Variants in TENT5D observed in about 807,000 individuals in gnomAD.
TENT5D encodes cancer/testis antigen 112.
For missense variants in TENT5D, 191 were observed against 287.0 expected, an observed-to-expected ratio of 0.67 and a Z score of 2.42; for synonymous variants, 103 against 100.6, an observed-to-expected ratio of 1.02 and a Z score of -0.15.
At chrX:80,370,014 C>G (rs887918961) in intron 3 of TENT5D, among the ~76,000 whole-genome samples, 4 of 111,021 alleles carry the variant, frequency 3.6e-5, no homozygotes, top group Non-Finnish European at 7.5e-5. Context: ...CCTCAAACTC[C>G]TGGGCTCAAG....
intron 3 of TENT5D, among the ~76,000 whole-genome samples, chrX:80,358,347 G>A (rs1367497386): frequency 1.8e-5 from 2 of 111,556 alleles, no homozygotes; most frequent in South Asian, 7.4e-4. Flanking sequence ...CTTCTGCACA[G>A]CAAAAGAAAC....
chrX:80,393,261 A>C lies in TENT5D; in HGVS notation c.-141-45349A>C, dbSNP rs1009589107. ...CTCTCCAAATATTCCTTTGTTCACTATTTTCATTCTGGGATTCCAATCACA... is the reference window on the plus strand; with the variant it reads ...CTCTCCAAATATTCCTTTGTTCACTCTTTTCATTCTGGGATTCCAATCACA... On this transcript the variant is annotated intron_variant, in intron 3 of 4. Transcript: ENST00000538312. Among the ~76,000 whole-genome samples, 19 of 110,493 alleles carry C rather than the reference A, an allele frequency of 1.7e-4. No individual in the cohort carries two copies. In the Admixed American group the frequency reaches 1.8e-3, roughly 11 times the overall value.
chrX:80,417,516 C>T (rs904088071), upstream of TENT5D, among the ~76,000 whole-genome samples: 1 of 108,655 alleles, frequency 9.2e-6, no homozygotes, highest in Non-Finnish European at 1.9e-5. Context: ...TAATAAATTC[C>T]TTTAGCATTA....
At chrX:80,351,021 C>G (rs1410456864) in intron 3 of TENT5D, among the ~76,000 whole-genome samples, 1 of 111,827 alleles carries the variant, frequency 8.9e-6, no homozygotes, top group Non-Finnish European at 1.9e-5. Context: ...CGCTGTTAGT[C>G]TGATGGGCGT....
chrX:80,392,495 C>CTTTTTTTTTTTTTTTTT lies in TENT5D; in HGVS notation c.-141-46099_-141-46083dup, dbSNP rs72029455. On this transcript the variant is annotated intron_variant, in intron 3 of 4. Coordinates refer to the TENT5D transcript ENST00000538312. The stretch of plus-strand genomic sequence containing the variant: ...TTTATAGCTTTATTCTCATTTTATT[C>CTTTTTTTTTTTTTTTTT]TTTTTTTTTTTTTTTTTTTTTTTTT... 2.0e-3 allele frequency among the ~76,000 whole-genome samples: 48 copies of CTTTTTTTTTTTTTTTTT among 24,295 alleles called. 13 individuals carry two copies. Among genetic ancestry groups the CTTTTTTTTTTTTTTTTT allele is most frequent in the East Asian group, 8.4e-3 (6 of 715 alleles). 21.1% of individuals were successfully genotyped at this position (24,295 alleles called of 115,157 possible). A position where few individuals can be genotyped will look rare whatever the true frequency, so the allele number is the denominator to read the frequency against.
upstream of TENT5D, among the ~76,000 whole-genome samples, chrX:80,419,984 G>A (rs1931853738): frequency 9.0e-6 from 1 of 111,718 alleles, no homozygotes; most frequent in African/African-American, 3.3e-5. Context: ...CAAATTGCTG[G>A]GATTACAGGC....
At chrX:80,441,259 G>T (rs1932277597) in intron 2 of TENT5D, among the ~76,000 whole-genome samples, 1 of 111,090 alleles carries the variant, frequency 9.0e-6, no homozygotes, top group African/African-American at 3.3e-5. Context: ...TACATACAGA[G>T]AAACAGAATA....
In TENT5D at chrX:80,427,258, G is replaced by T. The variant is rs571705074; in HGVS notation, c.-142+6695G>T. On this transcript the variant is annotated intron_variant, in intron 1 of 2. Coordinates refer to ENST00000308293, the Ensembl canonical transcript of TENT5D. The stretch of plus-strand genomic sequence containing the variant: ...TATATACTAGGTGCAGATAAAGTTT[G>T]ATGTTTTTCAGCATAATTAGAGGCA... Among the ~76,000 whole-genome samples the T allele has an allele frequency of 6.5e-5, 5 of 76,631 alleles. No individual in the cohort carries two copies. The South Asian group carries it at 2.9e-3, about 45-fold the overall frequency. The allele number at this position is 76,631 out of a possible 115,157, so 66.5% of individuals were successfully genotyped here.
intron 2 of TENT5D, among the ~76,000 whole-genome samples, chrX:80,442,017 TG>T (rs1932292765): frequency 2.7e-5 from 3 of 111,226 alleles, no homozygotes; most frequent in Non-Finnish European, 5.7e-5. Context: ...TATGAGAAAC[TG>T]AAAAGTATAT....
intron 1 of TENT5D, among the ~76,000 whole-genome samples, chrX:80,421,744 C>T (rs902869068): frequency 9.0e-6 from 1 of 111,727 alleles, no homozygotes; most frequent in Non-Finnish European, 1.9e-5. Flanking sequence ...ACCTGAATAT[C>T]TGTAGCCAAA....
chrX:80,389,699 G>A (rs768535139), intron 3 of TENT5D, among the ~76,000 whole-genome samples: 6 of 112,237 alleles, frequency 5.3e-5, no homozygotes, highest in South Asian at 3.7e-4. Context: ...CTGCTAATAC[G>A]TCCAGTAATA....
intron 3 of TENT5D, among the ~76,000 whole-genome samples, chrX:80,413,625 C>G (rs1037475348): frequency 8.9e-6 from 1 of 111,927 alleles, no homozygotes; most frequent in Admixed American, 9.5e-5. Context: ...TCCGCTTTTG[C>G]TTCTTCCTCA....
chrX:80,405,534 C>T (rs1308151193), intron 3 of TENT5D, among the ~76,000 whole-genome samples: 2 of 112,445 alleles, frequency 1.8e-5, no homozygotes, highest in Non-Finnish European at 3.8e-5. Flanking sequence ...CCAAATATTG[C>T]GCTTTTCGGA....
intron 2 of TENT5D, among the ~76,000 whole-genome samples, chrX:80,341,297 A>G: frequency 8.9e-6 from 1 of 112,522 alleles, no homozygotes; most frequent in Non-Finnish European, 1.9e-5. Context: ...GAAAGGAGTT[A>G]AATTAGCATA....
chrX:80,387,634 G>A (rs184455023), intron 3 of TENT5D, among the ~76,000 whole-genome samples: 2 of 111,473 alleles, frequency 1.8e-5, no homozygotes, highest in Non-Finnish European at 3.8e-5. Flanking sequence ...GCAGCTGGGG[G>A]CGGAGTGACA....
chrX:80,357,848 C>A (rs948439860), intron 3 of TENT5D, among the ~76,000 whole-genome samples: 1 of 111,637 alleles, frequency 9.0e-6, no homozygotes, highest in Non-Finnish European at 1.9e-5. Context: ...AAAGAGCCTG[C>A]ATTGCCAAGT....
At chrX:80,373,404 A>G (rs928195523) in intron 3 of TENT5D, among the ~76,000 whole-genome samples, 1 of 110,971 alleles carries the variant, frequency 9.0e-6, no homozygotes, top group African/African-American at 3.3e-5. Flanking sequence ...CTTATTCACT[A>G]AGCTTAATTG....
At chrX:80,353,837 CT>C (rs1189271076) in intron 3 of TENT5D, among the ~76,000 whole-genome samples, 3 of 112,411 alleles carry the variant, frequency 2.7e-5, no homozygotes, top group Admixed American at 1.9e-4. Flanking sequence ...GCTTTAAATT[CT>C]TAGAGACATT....
At chrX:80,342,494 A>G (rs1929979714) in intron 2 of TENT5D, 1 of 112,298 alleles carries the variant, frequency 8.9e-6, no homozygotes, top group African/African-American at 3.2e-5. Flanking sequence ...TTTCTTTTTT[A>G]TTCAGATTAT....
Sources: allele counts gnomAD v4.1 joint callset (sites outside exome capture counted in the v4.1 genomes callset), GRCh38; gene constraint gnomAD v4.1.1; transcripts MANE v1.5; gene names NCBI Gene and HGNC (gene_info 2026-07-23, HGNC 2026-07-21).